The following ACACA variants were observed in gnomAD, a reference collection of about 807,000 sequenced individuals.
The protein encoded by ACACA is acetyl-CoA carboxylase 1.
ACACA carries 103 observed loss-of-function variants against 296.1 expected under a neutral mutation model. The observed-to-expected ratio is 0.35, with a 90% CI of 0.30 to 0.41. The LOEUF is 0.41. Among genes scored for constraint, ACACA ranks in the 10% least tolerant of loss-of-function variants. ACACA has a pLI of 1.00. For missense variants in ACACA, 1,554 were observed against 2,989.7 expected, an observed-to-expected ratio of 0.52 and a Z score of 11.20; for synonymous variants, 953 against 1,038.6, an observed-to-expected ratio of 0.92 and a Z score of 1.58.
intron 1 of ACACA, among the ~76,000 whole-genome samples, chr17:37,395,553 T>C (rs936751840): frequency 1.3e-5 from 2 of 152,130 alleles, no homozygotes; most frequent in East Asian, 1.9e-4. Context: ...TTTTAAATTT[T>C]AATTTTTTGA....
At chr17:37,132,419 T>C (rs2075143118) in intron 45 of ACACA, among the ~76,000 whole-genome samples, 1 of 152,238 alleles carries the variant, frequency 6.6e-6, no homozygotes, top group South Asian at 2.1e-4. Context: ...CGCTCTGATC[T>C]GGCTCTGGTT....
At chr17:37,362,557 G>A (rs2147617097) in intron 1 of ACACA, among the ~76,000 whole-genome samples, 1 of 152,264 alleles carries the variant, frequency 6.6e-6, no homozygotes. Flanking sequence ...GATAAACCCA[G>A]ATATATATAA....
intron 14 of ACACA, among the ~76,000 whole-genome samples, chr17:37,255,463 T>C (rs1416137962): frequency 6.6e-6 from 1 of 152,206 alleles, no homozygotes; most frequent in East Asian, 1.9e-4. Context: ...AGATAACGTA[T>C]TTTTAACATG....
intron 8 of ACACA, among the ~76,000 whole-genome samples, chr17:37,275,138 G>A (rs1317356515): frequency 6.6e-6 from 1 of 152,210 alleles, no homozygotes; most frequent in South Asian, 2.1e-4. Context: ...TGCATCAAGG[G>A]CAACTGAGGT....
chr17:37,389,216 A>G (rs1253398264), intron 1 of ACACA: 2 of 1,556,038 alleles, frequency 1.3e-6, no homozygotes, highest in Non-Finnish European at 1.7e-6. Context: ...CAGCCACTTC[A>G]TATTAATACC....
At chr17:37,179,571 T>G (rs2077243130) in intron 40 of ACACA, among the ~76,000 whole-genome samples, 165 bp from the exon 41 acceptor site, 2 of 152,214 alleles carry the variant, frequency 1.3e-5, no homozygotes, top group Non-Finnish European at 2.9e-5. Flanking sequence ...TAAAATAGAT[T>G]TGTAATTACT....
chr17:37,390,298 ACATAAT>A (rs1348717366), intron 1 of ACACA, among the ~76,000 whole-genome samples: 1 of 44,634 alleles, frequency 2.2e-5, no homozygotes, highest in South Asian at 7.2e-4. Context: ...TATATATTAT[ACATAAT>A]TATATATATA....
intron 52 of ACACA, among the ~76,000 whole-genome samples, chr17:37,106,588 C>T (rs1281321555): frequency 6.6e-6 from 1 of 152,272 alleles, no homozygotes; most frequent in South Asian, 2.1e-4. Flanking sequence ...ACTGCTCCCC[C>T]ATCAGTCCCG....
At position 37,179,492 on chromosome 17, in the gene ACACA, T is replaced by C. The variant is rs1598084533; in HGVS notation, c.4933-86A>G. Reference sequence around the variant, plus strand: ...TTATTAAGATTCAGTCAATCTGGTTTTGCCTTCTTTTCCAAGTGTTCTGCA... The same window carrying C: ...TTATTAAGATTCAGTCAATCTGGTTCTGCCTTCTTTTCCAAGTGTTCTGCA... On this transcript the variant is annotated intron_variant, in intron 40 of 55. Transcript: ENST00000616317. 6.7e-6 allele frequency: 10 copies of C among 1,483,222 alleles called. No individual in the cohort carries two copies. The East Asian group carries it at 2.4e-4, about 36-fold the overall frequency. 91.9% of individuals were successfully genotyped at this position (1,483,222 alleles called of 1,614,324 possible). A position where few individuals can be genotyped will look rare whatever the true frequency, so the allele number is the denominator to read the frequency against.
chr17:37,389,132 G>A, intron 1 of ACACA: 1 of 1,346,918 alleles, frequency 7.4e-7, no homozygotes, highest in East Asian at 2.5e-5. Context: ...CAATAGGACT[G>A]AATATTTTAT....
chr17:37,155,725 T>C lies in ACACA; in HGVS notation c.5405A>G (p.Asn1802Ser), dbSNP rs1372977221. The C allele has an allele frequency of 2.5e-6, 4 of 1,611,662 alleles. No individual in the cohort carries two copies. The highest frequency in any genetic ancestry group is 2.5e-6 in the Non-Finnish European group (3 of 1,179,098). ...TTCCACGTGTTCACAATGGACAGAGTTGAGAGCACTGACTCTCTTATAATC... is the reference window on the plus strand; with the variant it reads ...TTCCACGTGTTCACAATGGACAGAGCTGAGAGCACTGACTCTCTTATAATC... ...PQDYKRVSAL[N>S]SVHCEHVEDE... The change falls in exon 43 of 56, where the codon AAC (asparagine) becomes AGC (serine). Residue 1802 changes from asparagine to serine, a missense_variant. Around this residue, in one of 16 missense-constraint regions of ACACA, gnomAD observed 553 missense variants for 1,043.6 expected, o/e 0.53. Coordinates refer to ENST00000616317, the MANE Select transcript of ACACA (RefSeq NM_198834.3).
At chr17:37,303,972 T>A (rs1339487148) in intron 3 of ACACA, among the ~76,000 whole-genome samples, 1 of 152,246 alleles carries the variant, frequency 6.6e-6, no homozygotes, top group Non-Finnish European at 1.5e-5. Flanking sequence ...TGGTATTGTG[T>A]CTATTTCTTA....
chr17:37,114,552 AAG>A (rs1487940505), intron 50 of ACACA, among the ~76,000 whole-genome samples: 6 of 144,744 alleles, frequency 4.1e-5, no homozygotes, highest in African/African-American at 1.6e-4. Context: ...AAAAAAAAAA[AAG>A]AGTACATTTT....
At chr17:37,159,397 A>G (rs1567739300) in intron 42 of ACACA, among the ~76,000 whole-genome samples, 4 of 151,912 alleles carry the variant, frequency 2.6e-5, no homozygotes, top group African/African-American at 9.7e-5. Flanking sequence ...AATTTTTTAT[A>G]TTTTAGTAGA....
In ACACA at chr17:37,200,568, T is replaced by C. The variant is rs73982265; in HGVS notation, c.4057-85A>G. 1.2e-4 allele frequency: 150 copies of C among 1,279,028 alleles called. No homozygotes were observed. The African/African-American group carries it at 2.1e-3, about 18-fold the overall frequency. The allele number at this position is 1,279,028 out of a possible 1,614,324, so 79.2% of individuals were successfully genotyped here. A position where few individuals can be genotyped will look rare whatever the true frequency, so the allele number is the denominator to read the frequency against. ...ATCCCATTCGGCCCTTGTAAGGCTTTGGTGGAGTTAAACATCCTTTTTGGA... is the reference window on the plus strand; with the variant it reads ...ATCCCATTCGGCCCTTGTAAGGCTTCGGTGGAGTTAAACATCCTTTTTGGA... On this transcript the variant is annotated intron_variant, in intron 33 of 55. Transcript: ENST00000616317.
chr17:37,393,506 T>A (rs1288561022), intron 1 of ACACA, among the ~76,000 whole-genome samples: 1 of 152,010 alleles, frequency 6.6e-6, no homozygotes, highest in Non-Finnish European at 1.5e-5. Flanking sequence ...TCCCGGGAGA[T>A]AAAACCTATG....
At chr17:37,194,212 G>A (rs1440117677) in intron 35 of ACACA, among the ~76,000 whole-genome samples, 1 of 152,034 alleles carries the variant, frequency 6.6e-6, no homozygotes, top group Admixed American at 6.6e-5. Flanking sequence ...TGCCTCTATA[G>A]GAGGTTTCAT....
At chr17:37,383,054 A>T (rs1162501370) in intron 1 of ACACA, among the ~76,000 whole-genome samples, 1 of 152,150 alleles carries the variant, frequency 6.6e-6, no homozygotes, top group African/African-American at 2.4e-5. Flanking sequence ...AAACAAACTC[A>T]AAAGACTCTG....
At chr17:37,220,638 T>C (rs563597796) in intron 29 of ACACA, among the ~76,000 whole-genome samples, 2 of 152,274 alleles carry the variant, frequency 1.3e-5, no homozygotes, top group South Asian at 4.1e-4. Context: ...CTGCCAGCCA[T>C]AAGGTATTTT....
Sources: gnomAD v4.1 joint callset for allele counts (sites outside exome capture counted in the v4.1 genomes callset) on GRCh38, gnomAD v4.1.1 for gene constraint, gnomAD v4.1.1 regional missense constraint, MANE v1.5 for transcripts, NCBI Gene and HGNC (gene_info 2026-07-23, HGNC 2026-07-21) for gene names.